Variants in NEMF observed in about 807,000 individuals in gnomAD.
The protein encoded by NEMF is nuclear export mediator factor.
A neutral mutation model predicts 162.2 loss-of-function variants in NEMF; 89 were observed. That is an observed-to-expected ratio of 0.55 (90% CI 0.46 to 0.65). The LOEUF is 0.65. Ranked by LOEUF, NEMF falls within the 30% of genes least tolerant of loss-of-function variation. The probability of loss-of-function intolerance (pLI) is 0.00; values close to 1 mark genes in which losing one functional copy is unlikely to be tolerated. For synonymous variants in NEMF, 421 were observed against 404.5 expected, an observed-to-expected ratio of 1.04 and a Z score of -0.49; for missense variants, 1,133 against 1,261.9, an observed-to-expected ratio of 0.90 and a Z score of 1.55.
intron 10 of NEMF, 131 bp from the exon 11 acceptor site, chr14:49,831,492 C>T: frequency 1.6e-6 from 1 of 618,182 alleles, no homozygotes; most frequent in Non-Finnish European, 2.9e-6. Flanking sequence ...GGCGGGACTG[C>T]AGTGGCGCGA....
At chr14:49,852,038 TTAA>T (rs1179948488) in intron 1 of NEMF, among the ~76,000 whole-genome samples, 163 bp from the exon 2 acceptor site, 3 of 152,076 alleles carry the variant, frequency 2.0e-5, no homozygotes, top group African/African-American at 7.2e-5. Context: ...AGTTCAAAAC[TTAA>T]GAGTAACGAT....
At chr14:49,788,913 A>G (rs1890312807) in intron 28 of NEMF, among the ~76,000 whole-genome samples, 2 of 152,112 alleles carry the variant, frequency 1.3e-5, no homozygotes, top group African/African-American at 4.8e-5. Context: ...CTTAAAACTG[A>G]TTACTTCCTA....
intron 16 of NEMF, among the ~76,000 whole-genome samples, 184 bp from the exon 17 acceptor site, chr14:49,815,041 G>T (rs1891652927): frequency 1.3e-5 from 2 of 152,066 alleles, no homozygotes. Flanking sequence ...TCTTTAGACA[G>T]TCTTAGAAAA....
At chr14:49,848,686 T>C (rs1893629716) in intron 3 of NEMF, among the ~76,000 whole-genome samples, 1 of 151,774 alleles carries the variant, frequency 6.6e-6, no homozygotes, top group African/African-American at 2.4e-5. Flanking sequence ...AATACAAAAA[T>C]TAGCCAGGCA....
chr14:49,807,641 G>C (rs1052845903), intron 18 of NEMF, among the ~76,000 whole-genome samples: 2 of 136,106 alleles, frequency 1.5e-5, no homozygotes, highest in Non-Finnish European at 3.1e-5. Context: ...TTTTCACCCC[G>C]GCTGGAGTGC....
chr14:49,819,259 TGA>T (rs980753414), intron 16 of NEMF, among the ~76,000 whole-genome samples: 2 of 152,084 alleles, frequency 1.3e-5, no homozygotes, highest in Non-Finnish European at 1.5e-5. Flanking sequence ...GGAAATTTGC[TGA>T]GAGTATATTT....
chr14:49,836,374 G>A lies in NEMF; in HGVS notation c.574+1765C>T, dbSNP rs60325116. Among the ~76,000 whole-genome samples the A allele has an allele frequency of 6.2e-3, 948 of 152,314 alleles. 15 individuals are homozygous for A. The highest frequency in any genetic ancestry group is 0.022 in the African/African-American group (896 of 41,582). ...TAAATTTTATAAGGAAATGCTGGCC[G>A]AGCGCAGTTGCTCACGCCTGTAATC... On this transcript the variant is annotated intron_variant, in intron 6 of 32. Transcript: ENST00000298310.
At chr14:49,805,085 T>C (rs2139870300) in intron 19 of NEMF, among the ~76,000 whole-genome samples, 1 of 152,190 alleles carries the variant, frequency 6.6e-6, no homozygotes, top group African/African-American at 2.4e-5. Context: ...CTAAATTTCA[T>C]TCTAAAAAAT....
At chr14:49,788,213 A>G (rs1389615357) in intron 28 of NEMF, among the ~76,000 whole-genome samples, 4 of 128,554 alleles carry the variant, frequency 3.1e-5, no homozygotes, top group African/African-American at 8.7e-5. Context: ...CGGGAGGTGG[A>G]GGTTGCAGTG....
intron 26 of NEMF, among the ~76,000 whole-genome samples, chr14:49,790,791 A>G (rs1347461248): frequency 2.0e-5 from 3 of 152,108 alleles, no homozygotes; most frequent in African/African-American, 4.8e-5. Flanking sequence ...GGAGTTCAAG[A>G]CCAGCCTGAC....
chr14:49,842,424 G>A (rs1375058425), intron 4 of NEMF, among the ~76,000 whole-genome samples: 2 of 152,118 alleles, frequency 1.3e-5, no homozygotes, highest in Non-Finnish European at 2.9e-5. Flanking sequence ...CAATAAAAAA[G>A]AAGGGGGAAC....
rs185631756 is a variant in NEMF, at chr14:49,829,911, G to T, written c.946-485C>A. On this transcript the variant is annotated intron_variant, in intron 11 of 32. Coordinates refer to ENST00000298310, the MANE Select transcript of NEMF (RefSeq NM_004713.6). The stretch of plus-strand genomic sequence containing the variant: ...TGAGCCACTGCACCTGGCAGGGAAT[G>T]AATTCCCAAAGAGCATAAATTACCA... Among the ~76,000 whole-genome samples the T allele has an allele frequency of 5.3e-4, 81 of 152,212 alleles. 1 individual carries two copies. The East Asian group carries it at 0.013, about 24-fold the overall frequency.
chr14:49,806,785 CA>C (rs1255433074), intron 18 of NEMF, among the ~76,000 whole-genome samples: 2 of 151,988 alleles, frequency 1.3e-5, no homozygotes, highest in Non-Finnish European at 2.9e-5. Context: ...TGAAGACTTC[CA>C]AAATTAAAAT....
intron 6 of NEMF, among the ~76,000 whole-genome samples, chr14:49,836,382 T>C (rs1394546515): frequency 6.6e-6 from 1 of 152,252 alleles, no homozygotes; most frequent in Non-Finnish European, 1.5e-5. Context: ...CCGAGCGCAG[T>C]TGCTCACGCC....
At chr14:49,838,092 C>G (rs757163481) in intron 6 of NEMF, 47 bp downstream of exon 6, 1 of 1,439,788 alleles carries the variant, frequency 6.9e-7, no homozygotes, top group Non-Finnish European at 9.7e-7. Context: ...TTCCTGAAAA[C>G]CACACTGCCT....
intron 28 of NEMF, among the ~76,000 whole-genome samples, chr14:49,788,691 A>G (rs1217585204): frequency 6.6e-6 from 1 of 151,886 alleles, no homozygotes; most frequent in Non-Finnish European, 1.5e-5. Context: ...AGTAGCTGAG[A>G]CTACAGGCGC....
intron 26 of NEMF, 125 bp from the exon 27 acceptor site, chr14:49,789,698 T>C: frequency 7.7e-7 from 1 of 1,305,526 alleles, no homozygotes; most frequent in Non-Finnish European, 1.0e-6. Context: ...GGCACCATTA[T>C]AATAAACAAT....
intron 11 of NEMF, among the ~76,000 whole-genome samples, chr14:49,830,843 A>G (rs1892598526): frequency 6.6e-6 from 1 of 152,220 alleles, no homozygotes; most frequent in African/African-American, 2.4e-5. Context: ...ACTGTATATC[A>G]CTTCTTTTGG....
intron 19 of NEMF, among the ~76,000 whole-genome samples, chr14:49,803,673 G>A (rs942284579): frequency 1.3e-5 from 2 of 151,914 alleles, no homozygotes; most frequent in African/African-American, 2.4e-5. Context: ...CTACAGGCAC[G>A]CACCACCATG....
Sources: allele counts gnomAD v4.1 joint callset (sites outside exome capture counted in the v4.1 genomes callset), GRCh38; gene constraint gnomAD v4.1.1; transcripts MANE v1.5; gene names NCBI Gene and HGNC (gene_info 2026-07-23, HGNC 2026-07-21).